Variants in TMC7 observed in about 807,000 individuals in gnomAD.
TMC7 encodes transmembrane channel-like protein 7.
Under a neutral mutation model 82.9 loss-of-function variants are expected in TMC7, and 54 were observed. The observed-to-expected ratio is 0.65, with a 90% CI of 0.52 to 0.82. The LOEUF (loss-of-function observed/expected upper bound fraction) is 0.82. Among genes scored for constraint, TMC7 ranks in the 40% least tolerant of loss-of-function variants. The pLI is 0.00. For missense variants in TMC7, 820 were observed against 901.2 expected (o/e 0.91, Z 1.15); for synonymous variants, 350 against 337.9 (o/e 1.04, Z -0.39).
chr16:19,002,068 G>A (rs2039150702), intron 1 of TMC7, among the ~76,000 whole-genome samples: 1 of 152,050 alleles, frequency 6.6e-6, no homozygotes, highest in Non-Finnish European at 1.5e-5. Context: ...GTGCCATTTA[G>A]ATCATACTTG....
chr16:19,054,075 G>T (rs543258779), intron 13 of TMC7, among the ~76,000 whole-genome samples: 2 of 151,976 alleles, frequency 1.3e-5, no homozygotes, highest in Non-Finnish European at 2.9e-5. Flanking sequence ...CAACATTTAG[G>T]TTGTTTCCAG....
chr16:19,031,777 T>C (rs930690886), intron 6 of TMC7, among the ~76,000 whole-genome samples: 2 of 152,234 alleles, frequency 1.3e-5, no homozygotes, highest in African/African-American at 4.8e-5. Context: ...CTTATAGTAT[T>C]CTAGGACTAA....
rs184784040 is a variant in TMC7, at chr16:19,021,218, C to T, written c.461-411C>T. On this transcript the variant is annotated intron_variant, in intron 3 of 15. Transcript: ENST00000304381. ...CCATGTGACAAGTCTTACAAATCTG[C>T]AGTAATTAAGACAGTCTAGCATTGG... 3.5e-3 allele frequency among the ~76,000 whole-genome samples: 529 copies of T among 152,240 alleles called. 1 individual carries two copies. The highest frequency in any genetic ancestry group is 5.2e-3 in the Non-Finnish European group (353 of 68,030).
chr16:19,020,940 G>A (rs1959943288), intron 3 of TMC7, among the ~76,000 whole-genome samples: 1 of 151,924 alleles, frequency 6.6e-6, no homozygotes, highest in South Asian at 2.1e-4. Context: ...CAATAATTAT[G>A]CACAGAAAAC....
chr16:18,990,097 A>G (rs1171039972), intron 1 of TMC7, among the ~76,000 whole-genome samples: 5 of 152,208 alleles, frequency 3.3e-5, no homozygotes, highest in African/African-American at 1.2e-4. Flanking sequence ...GTACATTCTC[A>G]AGGGTGGGGA....
chr16:19,001,593 G>C, intron 1 of TMC7, among the ~76,000 whole-genome samples: 1 of 152,148 alleles, frequency 6.6e-6, no homozygotes, highest in African/African-American at 2.4e-5. Flanking sequence ...GAGGCGAGGA[G>C]TATTGCCTGA....
chr16:18,986,779 G>A (rs1168534534), intron 1 of TMC7, among the ~76,000 whole-genome samples: 2 of 151,516 alleles, frequency 1.3e-5, no homozygotes, highest in Admixed American at 6.6e-5. Context: ...TGCATCTGCT[G>A]TTCTCTTCGC....
intron 1 of TMC7, chr16:18,984,403 T>G (rs1596704157): frequency 8.0e-7 from 1 of 1,254,396 alleles, no homozygotes; most frequent in East Asian, 3.4e-5. Context: ...TTCCAGCTGT[T>G]GACCGAGACA....
At chr16:19,048,952 C>T (rs1961405865) in intron 12 of TMC7, among the ~76,000 whole-genome samples, 1 of 151,918 alleles carries the variant, frequency 6.6e-6, no homozygotes, top group African/African-American at 2.4e-5. Context: ...GCCATGTGTC[C>T]CCACTCTGCC....
At chr16:19,009,030 TA>T in intron 1 of TMC7, 141 bp from the exon 2 acceptor site, 1 of 964,848 alleles carries the variant, frequency 1.0e-6, no homozygotes, top group Non-Finnish European at 1.6e-6. Context: ...CTGTGGTAAA[TA>T]AAATAAGATC....
rs148263169 is a variant in TMC7, at chr16:18,987,827, C to T, written c.67+3697C>T. On this transcript the variant is annotated intron_variant, in intron 1 of 15. Transcript: ENST00000304381. The stretch of plus-strand genomic sequence containing the variant: ...TCAAGTGCAAATGTCATTGGCCTCT[C>T]CTCCAGCCTCCTCAAGGGACACTCA... 2.2e-4 allele frequency among the ~76,000 whole-genome samples: 33 copies of T among 152,268 alleles called. 1 individual carries two copies. The East Asian group carries it at 6.4e-3, about 29-fold the overall frequency.
At chr16:19,009,089 A>G in intron 1 of TMC7, 83 bp from the exon 2 acceptor site, 1 of 1,489,768 alleles carries the variant, frequency 6.7e-7, no homozygotes, top group Non-Finnish European at 9.1e-7. Flanking sequence ...TGCAAGGTTC[A>G]GTGATGATGT....
Position 19,051,670 on chromosome 16 carries a change from C to G in TMC7, c.1741-16C>G, listed in dbSNP as rs1961547198. ...TACTTATTGATCTTAATTTTTCTTT[C>G]TTTTTCTCCTTGTAGTGGAGTCTGC... On this transcript the variant is annotated splice_polypyrimidine_tract_variant and intron_variant, in intron 12 of 15. Coordinates refer to ENST00000304381, the MANE Select transcript of TMC7 (RefSeq NM_024847.4). The G allele has an allele frequency of 6.2e-7, 1 of 1,611,588 alleles. No homozygotes were observed. The highest frequency in any genetic ancestry group is 8.5e-7 in the Non-Finnish European group (1 of 1,178,572).
At position 19,009,347 on chromosome 16, in the gene TMC7, C is replaced by G; in HGVS notation, c.243C>G (p.Ile81Met). Reference sequence around the variant, plus strand: ...ACAGCTCCCAGCTGGAGGACAGAATCGCTGAAAACCTCAGCAGCCATTCTC... The same window carrying G: ...ACAGCTCCCAGCTGGAGGACAGAATGGCTGAAAACCTCAGCAGCCATTCTC... Reference protein sequence around the residue: ...DSYSSQLEDRIAENLSSHSLR... With the variant: ...DSYSSQLEDRMAENLSSHSLR... Residue 81 changes from isoleucine to methionine, a missense_variant, in exon 2 of 16, where the codon ATC becomes ATG. By Grantham distance (10) the Ile-to-Met change is conservative. Coordinates refer to ENST00000304381, the MANE Select transcript of TMC7 (RefSeq NM_024847.4). 1.2e-6 allele frequency: 2 copies of G among 1,614,168 alleles called. No homozygotes were observed. Among genetic ancestry groups the G allele is most frequent in the South Asian group, 1.1e-5 (1 of 91,080 alleles).
At chr16:18,986,629 A>G (rs1301161224) in intron 1 of TMC7, among the ~76,000 whole-genome samples, 4 of 152,066 alleles carry the variant, frequency 2.6e-5, no homozygotes, top group Admixed American at 1.3e-4. Context: ...ATCGCAACCA[A>G]CAGGATCTGG....
chr16:19,038,057 C>T lies in TMC7; in HGVS notation c.1179+10C>T. ...AGAGCACATGAAAAAGGTAAATTAA[C>T]TTGTACTCTGGCTGGACATTATGCC... On this transcript the variant is annotated intron_variant, in intron 8 of 15. Transcript: ENST00000304381. The T allele has an allele frequency of 6.2e-7, 1 of 1,611,064 alleles. No homozygotes were observed. The highest frequency in any genetic ancestry group is 1.1e-5 in the South Asian group (1 of 90,336).
At chr16:19,014,915 A>G in intron 2 of TMC7, among the ~76,000 whole-genome samples, 1 of 152,124 alleles carries the variant, frequency 6.6e-6, no homozygotes, top group South Asian at 2.1e-4. Context: ...CATGTGTCAC[A>G]AAATATTATT....
chr16:19,009,679 C>T (rs1330618117), intron 2 of TMC7, among the ~76,000 whole-genome samples: 1 of 152,064 alleles, frequency 6.6e-6, no homozygotes, highest in Non-Finnish European at 1.5e-5. Context: ...GTGGCTCACG[C>T]CTGTAATCCC....
At chr16:19,050,781 G>C (rs1347847830) in intron 12 of TMC7, among the ~76,000 whole-genome samples, 1 of 152,118 alleles carries the variant, frequency 6.6e-6, no homozygotes, top group African/African-American at 2.4e-5. Flanking sequence ...GATTACAGGC[G>C]TGAGCCACCA....
Sources: allele counts gnomAD v4.1 joint callset (sites outside exome capture counted in the v4.1 genomes callset), GRCh38; gene constraint gnomAD v4.1.1; transcripts MANE v1.5; gene names NCBI Gene and HGNC (gene_info 2026-07-23, HGNC 2026-07-21).